ASRGL1: variants seen among roughly 807,000 people sequenced by gnomAD.
ASRGL1 encodes the protein isoaspartyl peptidase/L-asparaginase.
Under a neutral mutation model 22.4 loss-of-function variants are expected in ASRGL1, and 16 were observed. The ratio of observed to expected loss-of-function variants is 0.71; its 90% CI spans 0.48 to 1.08. The LOEUF (loss-of-function observed/expected upper bound fraction) is 1.08, where lower values mean the gene tolerates loss of function less well. Ranked by LOEUF, ASRGL1 falls within the 50% of genes least tolerant of loss-of-function variation. The probability of loss-of-function intolerance (pLI) is 0.00; values close to 1 mark genes in which losing one functional copy is unlikely to be tolerated. For missense variants in ASRGL1, 412 were observed against 410.1 expected, an observed-to-expected ratio of 1.00 and a Z score of -0.04; for synonymous variants, 165 against 159.3, an observed-to-expected ratio of 1.04 and a Z score of -0.27.
intron 2 of ASRGL1, among the ~76,000 whole-genome samples, chr11:62,349,833 A>C (rs991532959): frequency 6.6e-6 from 1 of 152,166 alleles, no homozygotes. Flanking sequence ...ATGATCTGCT[A>C]AACAAGGGGT....
intron 4 of ASRGL1, among the ~76,000 whole-genome samples, chr11:62,378,565 AT>A (rs1448805136): frequency 3.9e-5 from 6 of 152,112 alleles, no homozygotes; most frequent in African/African-American, 1.4e-4. Context: ...CAGATCAATT[AT>A]AATTAAAGGC....
At position 62,391,456 on chromosome 11, in the gene ASRGL1, C is replaced by T. The variant is rs150461323; in HGVS notation, c.611-66C>T. 5.1e-4 allele frequency: 784 copies of T among 1,534,462 alleles called. 1 individual carries two copies. Among genetic ancestry groups the T allele is most frequent in the East Asian group, 4.7e-3 (193 of 41,390 alleles). ...CGCGATTTAACTTTCATGTAGCGTC[C>T]GACTTCTAATATGGATTTGAATTTC... On this transcript the variant is annotated intron_variant, in intron 5 of 6. Transcript: ENST00000415229.
chr11:62,395,759 CTTTTTTTTTTTTTTTTT>C (rs564952668), downstream of ASRGL1, among the ~76,000 whole-genome samples: 2 of 71,916 alleles, frequency 2.8e-5, no homozygotes, highest in East Asian at 4.5e-4. Context: ...GTAGCTGTTT[CTTTTTTTTTTTTTTTTT>C]TTTTTTTTTT....
In ASRGL1 at chr11:62,337,930, T is replaced by C; in HGVS notation, c.-48T>C. ...TTGTACCCGCGCGGCTTCCTTGGGCTGGCTTTGGACGACGCTTTCGCCTTC... is the reference window on the plus strand; with the variant it reads ...TTGTACCCGCGCGGCTTCCTTGGGCCGGCTTTGGACGACGCTTTCGCCTTC... On this transcript the variant is annotated 5_prime_UTR_variant, in exon 2 of 7. Transcript: ENST00000415229. The C allele has an allele frequency of 6.4e-7, 1 of 1,551,008 alleles. No individual in the cohort carries two copies. Among genetic ancestry groups the C allele is most frequent in the Non-Finnish European group, 8.7e-7 (1 of 1,148,646 alleles).
intron 5 of ASRGL1, 92 bp downstream of exon 5, chr11:62,389,343 C>T: frequency 8.2e-7 from 1 of 1,214,510 alleles, no homozygotes; most frequent in Non-Finnish European, 1.2e-6. Context: ...CCGTTTCTTG[C>T]TGCGTTCCCT....
Position 62,356,486 on chromosome 11 carries a change from G to A in ASRGL1, c.333+19G>A. On this transcript the variant is annotated intron_variant, in intron 3 of 6. Transcript: ENST00000415229. ...GGAAAAGGTATATGTGACTAAAGCA[G>A]CCTTTTCCTAATGAATTGTTATTGT... 6.2e-7 allele frequency: 1 copy of A among 1,612,904 alleles called. No homozygotes were observed. The highest frequency in any genetic ancestry group is 8.5e-7 in the Non-Finnish European group (1 of 1,179,112).
rs1393605318 is a variant in ASRGL1 at position 62,368,399 on chromosome 11, G to C, written c.491+11255G>C. Among the ~76,000 whole-genome samples the C allele has an allele frequency of 3.3e-5, 5 of 152,238 alleles. No individual in the cohort carries two copies. In the East Asian group the frequency reaches 9.6e-4, roughly 29 times the overall value. Reference sequence around the variant, plus strand: ...GTGTATGCTTTTTTGGTGAACACCTGTCCACATTTCTGATGGACAGATACA... The same window carrying C: ...GTGTATGCTTTTTTGGTGAACACCTCTCCACATTTCTGATGGACAGATACA... On this transcript the variant is annotated intron_variant, in intron 4 of 6. Transcript: ENST00000415229.
At chr11:62,373,924 G>A (rs559604324) in intron 4 of ASRGL1, among the ~76,000 whole-genome samples, 11 of 152,216 alleles carry the variant, frequency 7.2e-5, no homozygotes, top group African/African-American at 1.9e-4. Context: ...GGGAACATTT[G>A]TATCAGTTGA....
intron 4 of ASRGL1, chr11:62,371,679 G>A: frequency 1.6e-6 from 1 of 610,130 alleles, no homozygotes. Context: ...AAGGCCAGGA[G>A]TGGTGGCTCA....
rs1947385445 is a variant in ASRGL1 at position 62,393,255 on chromosome 11, G to A, written c.*971G>A. 6.6e-6 allele frequency: 1 copy of A among 152,160 alleles called. No homozygotes were observed. The highest frequency in any genetic ancestry group is 2.4e-5 in the African/African-American group (1 of 41,420). The allele number at this position is 152,160 out of a possible 1,614,324, so 9.4% of individuals were successfully genotyped here. On this transcript the variant is annotated 3_prime_UTR_variant, in exon 7 of 7. Transcript: ENST00000415229. ...TGGTGAAGAAAGTCATTTCCTCGGT[G>A]GGCAGTATTCCTCTTTATCTCTCAT...
Position 62,371,998 on chromosome 11 carries a change from C to G in ASRGL1, c.491+14854C>G, listed in dbSNP as rs982836204. The G allele has an allele frequency of 4.3e-5, 29 of 674,996 alleles. No individual in the cohort carries two copies. In the African/African-American group the frequency reaches 5.2e-4, roughly 12 times the overall value. The allele number at this position is 674,996 out of a possible 1,614,324, so 41.8% of individuals were successfully genotyped here. ...AAGTTCCTAAACAGGAAGCTGCGTA[C>G]GGCAATATCCGTCAGAATTTGTGGG... is the stretch of plus-strand genomic sequence containing the variant. On this transcript the variant is annotated intron_variant, in intron 4 of 6. Transcript: ENST00000415229.
intron 4 of ASRGL1, among the ~76,000 whole-genome samples, chr11:62,365,917 A>T (rs908316895): frequency 1.3e-5 from 2 of 151,922 alleles, no homozygotes; most frequent in African/African-American, 4.8e-5. Flanking sequence ...TTGTGAGATG[A>T]TAGGTATGTT....
At chr11:62,352,194 T>C (rs1048111598) in intron 2 of ASRGL1, among the ~76,000 whole-genome samples, 1 of 152,172 alleles carries the variant, frequency 6.6e-6, no homozygotes, top group African/African-American at 2.4e-5. Flanking sequence ...AGTGTCCTTA[T>C]AGGAGACACC....
In ASRGL1 at chr11:62,392,839, A is replaced by G. The variant is rs577526405; in HGVS notation, c.*555A>G. On this transcript the variant is annotated 3_prime_UTR_variant, in exon 7 of 7. Transcript: ENST00000415229. ...AAATGTTCTTCATGTATGAGAGACTAAAGTGATTTTTCTAAGAAAGTTCAG... is the reference window on the plus strand; with the variant it reads ...AAATGTTCTTCATGTATGAGAGACTGAAGTGATTTTTCTAAGAAAGTTCAG... The G allele has an allele frequency of 2.9e-3, 461 of 156,502 alleles. 4 individuals are homozygous for G. Among genetic ancestry groups the G allele is most frequent in the Middle Eastern group, 0.014 (4 of 294 alleles). The allele number at this position is 156,502 out of a possible 1,614,324, so 9.7% of individuals were successfully genotyped here.
At chr11:62,378,975 C>T (rs1350772367) in intron 4 of ASRGL1, among the ~76,000 whole-genome samples, 3 of 152,116 alleles carry the variant, frequency 2.0e-5, no homozygotes. Flanking sequence ...TAGTCCCTTT[C>T]CTGGTATATA....
chr11:62,371,995 G>T (rs11824690), intron 4 of ASRGL1: 188,976 of 668,662 alleles, frequency 0.28, 27,569 homozygotes, highest in South Asian at 0.35. Context: ...AGGAAGCTGC[G>T]TACGGCAATA....
intron 3 of ASRGL1, 69 bp from the exon 4 acceptor site, chr11:62,356,918 A>G: frequency 6.6e-7 from 1 of 1,506,750 alleles, no homozygotes; most frequent in Non-Finnish European, 8.9e-7. Flanking sequence ...ATTTCAACAC[A>G]GTTGGAACAG....
intron 2 of ASRGL1, among the ~76,000 whole-genome samples, chr11:62,354,393 T>G (rs369238102): frequency 3.9e-4 from 59 of 151,188 alleles, no homozygotes; most frequent in South Asian, 1.5e-3. Context: ...TATCGGCTGG[T>G]TTTTTTTTCA....
At chr11:62,368,795 G>A (rs1196627350) in intron 4 of ASRGL1, among the ~76,000 whole-genome samples, 1 of 152,172 alleles carries the variant, frequency 6.6e-6, no homozygotes, top group Non-Finnish European at 1.5e-5. Context: ...AAAAGGTGCT[G>A]TGCCTTGATG....
Sources: allele counts gnomAD v4.1 joint callset (sites outside exome capture counted in the v4.1 genomes callset), GRCh38; gene constraint gnomAD v4.1.1; transcripts MANE v1.5; gene names NCBI Gene and HGNC (gene_info 2026-07-23, HGNC 2026-07-21).